Variants in ACOXL observed in about 807,000 individuals in gnomAD.
The protein encoded by ACOXL is acyl-coenzyme A oxidase-like protein.
Under a neutral mutation model 71.9 loss-of-function variants are expected in ACOXL, and 70 were observed. That is an observed-to-expected ratio of 0.97 (90% CI 0.80 to 1.19). The LOEUF is 1.19. Among genes scored for constraint, ACOXL ranks in the 50% most tolerant of loss-of-function variants. The probability of loss-of-function intolerance (pLI) is 0.00; values close to 1 mark genes in which losing one functional copy is unlikely to be tolerated. For synonymous variants in ACOXL, 253 were observed against 281.6 expected, an observed-to-expected ratio of 0.90 and a Z score of 1.02; for missense variants, 703 against 736.3, an observed-to-expected ratio of 0.95 and a Z score of 0.52.
intron 3 of ACOXL, 107 bp downstream of exon 3, chr2:110,784,922 G>A (rs1683773103): frequency 1.0e-6 from 1 of 963,804 alleles, no homozygotes; most frequent in East Asian, 3.0e-5. Flanking sequence ...AGTGGCACAG[G>A]TGTTGGTAAA....
At chr2:110,930,963 G>A (rs1364751138) in intron 11 of ACOXL, among the ~76,000 whole-genome samples, 1 of 152,170 alleles carries the variant, frequency 6.6e-6, no homozygotes, top group African/African-American at 2.4e-5. Context: ...AGTTCTAACA[G>A]TTTGTTTAAT....
At chr2:111,001,916 G>T (rs549621820) in intron 14 of ACOXL, among the ~76,000 whole-genome samples, 4 of 152,292 alleles carry the variant, frequency 2.6e-5, no homozygotes, top group East Asian at 3.9e-4. Context: ...GGCTATGATG[G>T]CCAAGCTCCA....
intron 12 of ACOXL, among the ~76,000 whole-genome samples, chr2:110,961,050 A>G (rs2061683610): frequency 1.3e-5 from 2 of 152,222 alleles, no homozygotes; most frequent in South Asian, 4.1e-4. Context: ...ATTCTAAAGA[A>G]ATTAGATCAT....
chr2:110,871,657 A>G (rs1695293753), intron 10 of ACOXL, among the ~76,000 whole-genome samples: 1 of 152,160 alleles, frequency 6.6e-6, no homozygotes, highest in Non-Finnish European at 1.5e-5. Flanking sequence ...ACTGGTGGTA[A>G]GATGAAAGTC....
At chr2:110,869,529 G>A (rs1291823552) in intron 10 of ACOXL, among the ~76,000 whole-genome samples, 3 of 152,158 alleles carry the variant, frequency 2.0e-5, no homozygotes, top group South Asian at 2.1e-4. Flanking sequence ...TGCTCCCAGG[G>A]GCACATGCCA....
chr2:111,018,021 A>G (rs1474635640), intron 14 of ACOXL: 1 of 152,246 alleles, frequency 6.6e-6, no homozygotes, highest in Admixed American at 6.5e-5. Flanking sequence ...TAAAATACAT[A>G]AAAATGCTTA....
intron 12 of ACOXL, among the ~76,000 whole-genome samples, chr2:110,983,026 G>GC (rs1558824264): frequency 6.6e-6 from 1 of 152,206 alleles, no homozygotes; most frequent in African/African-American, 2.4e-5. Flanking sequence ...GGGGCCCAGT[G>GC]CCGTAAGTAC....
intron 1 of ACOXL, among the ~76,000 whole-genome samples, chr2:110,746,803 T>C (rs1245644257): frequency 6.8e-6 from 1 of 147,502 alleles, no homozygotes; most frequent in Admixed American, 6.7e-5. Context: ...GCCTCCCCCT[T>C]TCCCCCTCTT....
intron 14 of ACOXL, among the ~76,000 whole-genome samples, chr2:111,024,792 T>G (rs1007155930): frequency 5.9e-5 from 9 of 151,928 alleles, no homozygotes; most frequent in African/African-American, 1.9e-4. Context: ...CTGTTCTCAT[T>G]GGCAAGGGAG....
At chr2:110,964,978 G>A (rs1372831874) in intron 12 of ACOXL, among the ~76,000 whole-genome samples, 4 of 151,604 alleles carry the variant, frequency 2.6e-5, no homozygotes, top group Non-Finnish European at 5.9e-5. Context: ...CCCCCTACCC[G>A]CCCCCACACC....
At chr2:110,974,771 G>A (rs1381597370) in intron 12 of ACOXL, among the ~76,000 whole-genome samples, 2 of 152,170 alleles carry the variant, frequency 1.3e-5, no homozygotes, top group Non-Finnish European at 2.9e-5. Flanking sequence ...GCCTGCTGAC[G>A]GGAAGCCTGG....
chr2:110,742,240 C>A (rs115798139), intron 1 of ACOXL, among the ~76,000 whole-genome samples: 290 of 152,306 alleles, frequency 1.9e-3, no homozygotes, highest in African/African-American at 6.1e-3. Context: ...TATTTGGAGA[C>A]CATCTCCTCC....
chr2:110,799,196 C>A (rs1685644491), intron 7 of ACOXL, 96 bp downstream of exon 7: 1 of 1,294,686 alleles, frequency 7.7e-7, no homozygotes, highest in South Asian at 1.2e-5. Context: ...TACCGAAGCA[C>A]TGAGGGTGGA....
At chr2:110,761,862 A>G (rs917004784) in intron 1 of ACOXL, among the ~76,000 whole-genome samples, 5 of 152,220 alleles carry the variant, frequency 3.3e-5, no homozygotes, top group African/African-American at 9.6e-5. Flanking sequence ...AGGATACCAT[A>G]TGGAGTTTCC....
At chr2:110,769,123 G>A (rs1333719887) in intron 2 of ACOXL, among the ~76,000 whole-genome samples, 1 of 151,498 alleles carries the variant, frequency 6.6e-6, no homozygotes, top group African/African-American at 2.4e-5. Flanking sequence ...CATTTTAAGG[G>A]CTTTTAAAGT....
chr2:110,829,063 G>A (rs1420765403), intron 9 of ACOXL, among the ~76,000 whole-genome samples: 3 of 152,162 alleles, frequency 2.0e-5, no homozygotes, highest in Non-Finnish European at 4.4e-5. Flanking sequence ...TGCCTGCATT[G>A]GCCTCCCAAA....
rs60682068 is a variant in ACOXL at position 111,048,719 on chromosome 2, G to A, written c.1370-499G>A. Among the ~76,000 whole-genome samples the A allele has an allele frequency of 5.3e-3, 812 of 152,112 alleles. 5 individuals carry two copies. The highest frequency in any genetic ancestry group is 0.019 in the African/African-American group (782 of 41,494). On this transcript the variant is annotated intron_variant, in intron 15 of 17. Coordinates refer to ENST00000439055, the MANE Select transcript of ACOXL (RefSeq NM_001142807.4). ...CTATTCTCCTTGAGAAGGTTGGTTGGAGAAAGACGACTTTATATATTTGGG... is the reference window on the plus strand; with the variant it reads ...CTATTCTCCTTGAGAAGGTTGGTTGAAGAAAGACGACTTTATATATTTGGG...
intron 11 of ACOXL, among the ~76,000 whole-genome samples, chr2:110,928,549 C>T (rs1208665902): frequency 6.6e-6 from 1 of 152,132 alleles, no homozygotes; most frequent in Non-Finnish European, 1.5e-5. Context: ...TAGCTTATTG[C>T]CAAAAAGTCT....
At chr2:111,050,459 A>G (rs1029444781) in intron 16 of ACOXL, among the ~76,000 whole-genome samples, 35 of 152,074 alleles carry the variant, frequency 2.3e-4, no homozygotes, top group African/African-American at 8.2e-4. Flanking sequence ...TTTAAGTTCT[A>G]TTCTGCAAGG....
Sources: allele counts gnomAD v4.1 joint callset (sites outside exome capture counted in the v4.1 genomes callset), GRCh38; gene constraint gnomAD v4.1.1; transcripts MANE v1.5; gene names NCBI Gene and HGNC (gene_info 2026-07-23, HGNC 2026-07-21).